Variants in RAB2A observed in about 807,000 individuals in gnomAD.
RAB2A encodes the protein ras-related protein Rab-2A.
RAB2A carries 7 observed loss-of-function variants against 32.5 expected under a neutral mutation model. The observed-to-expected ratio is 0.22, with a 90% CI of 0.12 to 0.40. The LOEUF is 0.40. RAB2A is among the 10% of genes least tolerant of loss of function. The pLI, the probability that RAB2A is intolerant of heterozygous loss-of-function variation, is 1.00. For missense variants in RAB2A, 108 were observed against 260.7 expected, an observed-to-expected ratio of 0.41 and a Z score of 4.03; for synonymous variants, 79 against 85.2, an observed-to-expected ratio of 0.93 and a Z score of 0.40.
intron 1 of RAB2A, among the ~76,000 whole-genome samples, chr8:60,558,239 T>C (rs1363764168): frequency 3.3e-5 from 5 of 152,228 alleles, no homozygotes; most frequent in African/African-American, 9.6e-5. Context: ...GTATTCAGTA[T>C]CCAATTTTCC....
At position 60,586,383 on chromosome 8, in the gene RAB2A, TA is replaced by T. The variant is rs34190681; in HGVS notation, c.362+1578del. Among the ~76,000 whole-genome samples the T allele has an allele frequency of 1.7e-3, 246 of 143,200 alleles. 3 individuals are homozygous for T. The highest frequency in any genetic ancestry group is 3.5e-3 in the Middle Eastern group (1 of 284). 93.9% of individuals were successfully genotyped at this position (143,200 alleles called of 152,430 possible). A position where few individuals can be genotyped will look rare whatever the true frequency, so the allele number is the denominator to read the frequency against. ...AAGTTAAGGAAAGCCTCCTGCCCGTTAAAAAAAAAAGAGAGAGAGAAAACCA... is the reference window on the plus strand; with the variant it reads ...AAGTTAAGGAAAGCCTCCTGCCCGTTAAAAAAAAAGAGAGAGAGAAAACCA... On this transcript the variant is annotated intron_variant, in intron 5 of 7. Coordinates refer to ENST00000262646, the MANE Select transcript of RAB2A (RefSeq NM_002865.3).
intron 6 of RAB2A, among the ~76,000 whole-genome samples, chr8:60,613,025 T>C (rs1804381154): frequency 6.6e-6 from 1 of 152,188 alleles, no homozygotes. Flanking sequence ...AACTCCCTAA[T>C]ATGAAATTCT....
At chr8:60,619,349 T>TTACA (rs1804495760) in intron 7 of RAB2A, among the ~76,000 whole-genome samples, 1 of 152,194 alleles carries the variant, frequency 6.6e-6, no homozygotes, top group African/African-American at 2.4e-5. Flanking sequence ...CTACTTATTC[T>TTACA]TACATAAATA....
chr8:60,620,777 T>G lies in RAB2A; in HGVS notation c.*8T>G. On this transcript the variant is annotated 3_prime_UTR_variant, in exon 8 of 8. Coordinates refer to ENST00000262646, the MANE Select transcript of RAB2A (RefSeq NM_002865.3). Reference sequence around the variant, plus strand: ...GGGGGCGGCTGCTGTTGAGTCTGTTTTTACTGTCTAGCTGCCCAACGGGGC... The same window carrying G: ...GGGGGCGGCTGCTGTTGAGTCTGTTGTTACTGTCTAGCTGCCCAACGGGGC... 6.2e-7 allele frequency: 1 copy of G among 1,611,638 alleles called. No individual in the cohort carries two copies. The highest frequency in any genetic ancestry group is 1.1e-5 in the South Asian group (1 of 90,746).
chr8:60,556,093 G>T (rs1289091182), intron 1 of RAB2A, among the ~76,000 whole-genome samples: 2 of 152,194 alleles, frequency 1.3e-5, no homozygotes, highest in African/African-American at 4.8e-5. Context: ...TATGTAAAGT[G>T]AAATAAGTCA....
At chr8:60,593,380 C>G (rs1349303111) in intron 6 of RAB2A, among the ~76,000 whole-genome samples, 1 of 152,136 alleles carries the variant, frequency 6.6e-6, no homozygotes, top group Non-Finnish European at 1.5e-5. Flanking sequence ...GCTAGAGAAA[C>G]AGGCAACCTA....
intron 1 of RAB2A, among the ~76,000 whole-genome samples, chr8:60,542,429 G>A (rs1194958350): frequency 6.6e-6 from 1 of 152,138 alleles, no homozygotes; most frequent in Non-Finnish European, 1.5e-5. Context: ...CAGGAGAATC[G>A]CTTGAACCTG....
At chr8:60,541,863 C>G (rs905033362) in intron 1 of RAB2A, among the ~76,000 whole-genome samples, 1 of 152,078 alleles carries the variant, frequency 6.6e-6, no homozygotes, top group Non-Finnish European at 1.5e-5. Flanking sequence ...CCAAGCTGAG[C>G]GAGATAATCA....
rs1010229984 is a variant in RAB2A at position 60,623,260 on chromosome 8, T to C, written c.*2491T>C. On this transcript the variant is annotated 3_prime_UTR_variant, in exon 8 of 8. Coordinates refer to ENST00000262646, the MANE Select transcript of RAB2A (RefSeq NM_002865.3). ...ACTGCATACAATTTGTTTTTAATGA[T>C]ATTTTAAAATAGCCTGTTAGCAGGA... 1 of 152,242 alleles carries C rather than the reference T, an allele frequency of 6.6e-6. No homozygotes were observed. The highest frequency in any genetic ancestry group is 2.1e-4 in the South Asian group (1 of 4,836). 9.4% of individuals were successfully genotyped at this position (152,242 alleles called of 1,614,324 possible).
At chr8:60,587,654 G>C (rs1803872526) in intron 5 of RAB2A, among the ~76,000 whole-genome samples, 1 of 152,074 alleles carries the variant, frequency 6.6e-6, no homozygotes, top group Non-Finnish European at 1.5e-5. Context: ...CACAAAAAAC[G>C]ATAACTGTGA....
chr8:60,590,144 A>G (rs1803916622), intron 5 of RAB2A, among the ~76,000 whole-genome samples: 1 of 152,006 alleles, frequency 6.6e-6, no homozygotes, highest in Non-Finnish European at 1.5e-5. Context: ...GTATTTTTGT[A>G]GAGACGGGGT....
chr8:60,525,278 T>A (rs1294824469), intron 1 of RAB2A, among the ~76,000 whole-genome samples: 2 of 152,194 alleles, frequency 1.3e-5, no homozygotes, highest in East Asian at 1.9e-4. Context: ...GATGGTTTTA[T>A]AAGTGTTTGA....
chr8:60,536,597 C>A (rs1269445261), intron 1 of RAB2A, among the ~76,000 whole-genome samples: 6 of 152,110 alleles, frequency 3.9e-5, no homozygotes, highest in Non-Finnish European at 8.8e-5. Flanking sequence ...ATCTATGTGA[C>A]CTACTTGGAA....
At chr8:60,532,515 G>A (rs903298231) in intron 1 of RAB2A, among the ~76,000 whole-genome samples, 1 of 151,936 alleles carries the variant, frequency 6.6e-6, no homozygotes, top group Non-Finnish European at 1.5e-5. Context: ...TAGCTACGTG[G>A]ATTTTTTTTT....
intron 3 of RAB2A, among the ~76,000 whole-genome samples, chr8:60,574,075 A>G (rs1430804381): frequency 1.3e-5 from 2 of 152,250 alleles, no homozygotes; most frequent in Non-Finnish European, 2.9e-5. Context: ...TTCAATAAAC[A>G]TATTTTTCAT....
intron 2 of RAB2A, among the ~76,000 whole-genome samples, chr8:60,561,892 TC>T (rs1808031140): frequency 6.6e-6 from 1 of 152,170 alleles, no homozygotes; most frequent in South Asian, 2.1e-4. Flanking sequence ...TTATCTTTTG[TC>T]CCCTGTAATG....
At chr8:60,615,821 A>G (rs1586118139) in intron 6 of RAB2A, among the ~76,000 whole-genome samples, 1 of 152,200 alleles carries the variant, frequency 6.6e-6, no homozygotes, top group East Asian at 1.9e-4. Flanking sequence ...AAACAAGTAT[A>G]TTAATGTCTA....
At chr8:60,549,825 A>G (rs971237513) in intron 1 of RAB2A, among the ~76,000 whole-genome samples, 1 of 151,932 alleles carries the variant, frequency 6.6e-6, no homozygotes, top group African/African-American at 2.4e-5. Flanking sequence ...ATTCCTTTCT[A>G]GAAGTTGTTT....
At chr8:60,593,226 C>G (rs1803970300) in intron 6 of RAB2A, among the ~76,000 whole-genome samples, 1 of 152,178 alleles carries the variant, frequency 6.6e-6, no homozygotes, top group Non-Finnish European at 1.5e-5. Flanking sequence ...ACGTGACCAT[C>G]ATAGAGTGTA....
Sources: gnomAD v4.1 joint callset for allele counts (sites outside exome capture counted in the v4.1 genomes callset) on GRCh38, gnomAD v4.1.1 for gene constraint, MANE v1.5 for transcripts, NCBI Gene and HGNC (gene_info 2026-07-23, HGNC 2026-07-21) for gene names.